MLXIP: variants seen among roughly 807,000 people sequenced by gnomAD.
MLXIP encodes the protein MLX-interacting protein.
A neutral mutation model predicts 87.2 loss-of-function variants in MLXIP; 30 were observed. The ratio of observed to expected loss-of-function variants is 0.34; its 90% CI spans 0.26 to 0.47. The LOEUF is 0.47. Ranked by LOEUF, MLXIP falls within the 20% of genes least tolerant of loss-of-function variation. The pLI is 1.00. For synonymous variants in MLXIP, 530 were observed against 514.0 expected, an observed-to-expected ratio of 1.03 and a Z score of -0.42; for missense variants, 1,002 against 1,240.1, an observed-to-expected ratio of 0.81 and a Z score of 2.88.
intron 3 of MLXIP, chr12:122,128,877 C>G (rs1327904134): frequency 6.1e-6 from 3 of 494,586 alleles, no homozygotes; most frequent in African/African-American, 5.8e-5. Flanking sequence ...TCACCCTGTC[C>G]TCCTGGACAG....
chr12:122,123,241 G>A (rs1050377948), intron 1 of MLXIP, among the ~76,000 whole-genome samples: 12 of 152,284 alleles, frequency 7.9e-5, no homozygotes, highest in African/African-American at 1.7e-4. Flanking sequence ...AGAACTTCAC[G>A]CGTTGCCTCC....
In MLXIP at chr12:122,137,279, T is replaced by C; in HGVS notation, c.2033-190T>C. 2 of 545,690 alleles carry C rather than the reference T, an allele frequency of 3.7e-6. No homozygotes were observed. The highest frequency in any genetic ancestry group is 6.1e-6 in the Non-Finnish European group (2 of 329,072). 33.8% of individuals were successfully genotyped at this position (545,690 alleles called of 1,614,324 possible). Reference sequence around the variant, plus strand: ...TGTGGATTAAGGGTGTTTTTGTTGTTGTTATTAATTTAAGATTTTCAGGGA... The same window carrying C: ...TGTGGATTAAGGGTGTTTTTGTTGTCGTTATTAATTTAAGATTTTCAGGGA... On this transcript the variant is annotated intron_variant, in intron 11 of 16. Transcript: ENST00000319080. The surrounding 1 kb of genome is among the most constrained non-coding windows in gnomAD (Gnocchi z 4.1).
In MLXIP at chr12:122,133,373, T is replaced by G; in HGVS notation, c.1118T>G (p.Leu373Arg). 1.3e-6 allele frequency: 2 copies of G among 1,585,428 alleles called. No homozygotes were observed. The highest frequency in any genetic ancestry group is 8.6e-7 in the Non-Finnish European group (1 of 1,162,390). The change falls in exon 9 of 17, where the codon CTC becomes CGC. Residue 373 changes from leucine to arginine, a missense_variant. Leu to Arg is a moderately radical substitution (Grantham distance 102). This residue lies in a region of MLXIP where 746 missense variants were observed against 897.0 expected (regional missense o/e 0.83). Coordinates refer to ENST00000319080, the MANE Select transcript of MLXIP (RefSeq NM_014938.6). The surrounding 1 kb of genome is among the most constrained non-coding windows in gnomAD (Gnocchi z 4.9). ...AQESILPTTA[L>R]PTVSLPDSLI... ...GAGAGCATCCTGCCGACCACAGCCC[T>G]CCCCACTGTGAGCCTTCCTGACAGC...
chr12:122,127,298 G>A lies in MLXIP; in HGVS notation c.456G>A (p.Leu152=), dbSNP rs1952896226. ...VSPKWKNFKG[L]KLQWRDKIRL... is the part of the protein sequence containing the mutation. ...CAAAGTGGAAGAATTTCAAGGGCCT[G>A]AAGCTACAGTGGAGAGACAAGATCC... Residue 152 remains leucine, a synonymous_variant, in exon 2 of 17, where the codon CTG becomes CTA. Transcript: ENST00000319080. 6.2e-7 allele frequency: 1 copy of A among 1,613,974 alleles called. No homozygotes were observed. The highest frequency in any genetic ancestry group is 1.3e-5 in the African/African-American group (1 of 75,060).
intron 1 of MLXIP, among the ~76,000 whole-genome samples, chr12:122,123,846 C>G (rs974374963): frequency 1.4e-4 from 21 of 152,192 alleles, no homozygotes; most frequent in African/African-American, 5.1e-4. Flanking sequence ...ACTACAGACG[C>G]ATGCCACCAT....
Position 122,135,367 on chromosome 12 carries a change from C to G in MLXIP, c.1854+22C>G. ...CAGGGTGAGGAGGGCCCTAGGCAGA[C>G]CTGCAGTGTCCTTCTCACCCCGGAG... On this transcript the variant is annotated intron_variant, in intron 10 of 16. Transcript: ENST00000319080. The surrounding 1 kb of genome is among the most constrained non-coding windows in gnomAD (Gnocchi z 5.3). The G allele has an allele frequency of 2.5e-6, 4 of 1,606,254 alleles. No individual in the cohort carries two copies. Among genetic ancestry groups the G allele is most frequent in the Non-Finnish European group, 3.4e-6 (4 of 1,175,586 alleles).
intron 1 of MLXIP, among the ~76,000 whole-genome samples, chr12:122,100,133 G>A (rs1384002815): frequency 6.6e-6 from 1 of 151,950 alleles, no homozygotes. Flanking sequence ...GGGTGGTCAG[G>A]TGGCAAGATG....
At chr12:122,129,868 G>T (rs1430403398) in intron 5 of MLXIP, 73 bp from the exon 6 acceptor site, 2 of 1,543,700 alleles carry the variant, frequency 1.3e-6, no homozygotes, top group East Asian at 2.3e-5. Context: ...ATTTCCCCAG[G>T]TGACAGGCGT....
In MLXIP at chr12:122,133,604, T is replaced by C. The variant is rs778609447; in HGVS notation, c.1349T>C (p.Leu450Ser). 9.3e-6 allele frequency: 15 copies of C among 1,610,420 alleles called. No homozygotes were observed. The South Asian group carries it at 1.5e-4, about 17-fold the overall frequency. ...SPAPPPISPV[L>S]PLVPPPATAL... ...GCCCCACCGCCCATCTCCCCCGTGT[T>C]ACCATTAGTTCCTCCTCCTGCCACT... Residue 450 changes from leucine (L) to serine (S), a missense_variant, in exon 9 of 17, where the codon TTA becomes TCA. Leu to Ser is a moderately radical substitution (Grantham distance 145). Coordinates refer to ENST00000319080, the MANE Select transcript of MLXIP (RefSeq NM_014938.6). This position sits in a 1 kb window ranked among gnomAD's most constrained non-coding sequence, Gnocchi z 4.9.
intron 11 of MLXIP, chr12:122,136,652 C>G (rs1469641736): frequency 6.6e-6 from 1 of 152,054 alleles, no homozygotes; most frequent in Non-Finnish European, 1.5e-5. Flanking sequence ...CATGGTGTAG[C>G]TGCTCCTGGA....
intron 1 of MLXIP, among the ~76,000 whole-genome samples, chr12:122,122,940 G>C (rs12366611): frequency 1.3e-5 from 2 of 150,520 alleles, no homozygotes; most frequent in African/African-American, 2.4e-5. Context: ...TGATCCTCCC[G>C]CCTCAGCCCT....
intron 7 of MLXIP, among the ~76,000 whole-genome samples, chr12:122,131,248 C>T (rs193059558): frequency 3.6e-4 from 54 of 152,108 alleles, no homozygotes; most frequent in Non-Finnish European, 6.5e-4. Flanking sequence ...TCCTTGAGCA[C>T]CTGCCATTGT....
At chr12:122,099,727 C>T (rs553737849) in intron 1 of MLXIP, among the ~76,000 whole-genome samples, 12 of 152,340 alleles carry the variant, frequency 7.9e-5, no homozygotes, top group South Asian at 2.1e-4. Context: ...CCTACCTCTG[C>T]GCCTCCTTGG....
chr12:122,103,073 G>A (rs571221019), intron 1 of MLXIP, among the ~76,000 whole-genome samples: 140 of 152,222 alleles, frequency 9.2e-4, no homozygotes, highest in African/African-American at 3.2e-3. Context: ...GCATGATCAC[G>A]GCTCTCTGCA....
At chr12:122,084,774 C>G (rs1243534698) in intron 1 of MLXIP, among the ~76,000 whole-genome samples, 1 of 152,148 alleles carries the variant, frequency 6.6e-6, no homozygotes, top group African/African-American at 2.4e-5. Flanking sequence ...TCTCAAACTC[C>G]TGACCTCAAG....
rs1953226115 is a variant in MLXIP at position 122,142,402 on chromosome 12, A to G, written c.*590A>G. On this transcript the variant is annotated 3_prime_UTR_variant, in exon 17 of 17. Coordinates refer to ENST00000319080, the MANE Select transcript of MLXIP (RefSeq NM_014938.6). ...GCTGCCAGGGGGAAGTGCCTTCTTC[A>G]GAGGTCCTCCAGGACACATGTGTGC... 2 of 485,750 alleles carry G rather than the reference A, an allele frequency of 4.1e-6. No homozygotes were observed. The allele number at this position is 485,750 out of a possible 1,614,324, so 30.1% of individuals were successfully genotyped here. A position where few individuals can be genotyped will look rare whatever the true frequency, so the allele number is the denominator to read the frequency against.
chr12:122,087,991 T>C (rs1345606780), intron 1 of MLXIP, among the ~76,000 whole-genome samples: 2 of 152,152 alleles, frequency 1.3e-5, no homozygotes, highest in African/African-American at 4.8e-5. Context: ...CGGTCAGCTG[T>C]GAAGCTGGGG....
At chr12:122,140,650 A>G (rs1003827748) in intron 15 of MLXIP, among the ~76,000 whole-genome samples, 7 of 152,142 alleles carry the variant, frequency 4.6e-5, no homozygotes, top group Non-Finnish European at 8.8e-5. Context: ...TGTATGTAAG[A>G]ACGATTTTGA....
chr12:122,105,320 AT>A (rs969643223), intron 1 of MLXIP, among the ~76,000 whole-genome samples: 5 of 147,124 alleles, frequency 3.4e-5, no homozygotes, highest in African/African-American at 2.5e-5. Context: ...TTGCTTATTG[AT>A]TTTTTTTTTA....
Sources: allele counts gnomAD v4.1 joint callset (sites outside exome capture counted in the v4.1 genomes callset), GRCh38; gene constraint gnomAD v4.1.1; regional missense constraint gnomAD v4.1.1; non-coding constraint Gnocchi (gnomAD v3.1); transcripts MANE v1.5; gene names NCBI Gene and HGNC (gene_info 2026-07-23, HGNC 2026-07-21).